Variants in CASD1 observed in about 807,000 individuals in gnomAD.
The protein encoded by CASD1 is N-acetylneuraminate (7)9-O-acetyltransferase.
In CASD1, 41 loss-of-function variants were observed where a neutral mutation model predicts 100.0. The ratio of observed to expected loss-of-function variants is 0.41; its 90% CI spans 0.32 to 0.53. CASD1 has a LOEUF of 0.53. Ranked by LOEUF, CASD1 falls within the 20% of genes least tolerant of loss-of-function variation. CASD1 has a pLI of 0.25. For synonymous variants in CASD1, 321 were observed against 315.6 expected (o/e 1.02, Z -0.18); for missense variants, 774 against 948.7 (o/e 0.82, Z 2.42).
chr7:94,609,545 A>G, the CASD1 span, among the ~76,000 whole-genome samples: 1 of 152,194 alleles, frequency 6.6e-6, no homozygotes, highest in Non-Finnish European at 1.5e-5. Context: ...AACAACAACA[A>G]CAAAAAGCCA....
intron 7 of CASD1, among the ~76,000 whole-genome samples, chr7:94,534,310 G>A (rs748262399): frequency 1.3e-5 from 2 of 151,812 alleles, no homozygotes; most frequent in Non-Finnish European, 2.9e-5. Context: ...GGGACTACAG[G>A]TGTGCACCAC....
At chr7:94,533,901 G>T in intron 7 of CASD1, 99 bp downstream of exon 7, 1 of 1,125,770 alleles carries the variant, frequency 8.9e-7, no homozygotes, top group Non-Finnish European at 1.2e-6. Flanking sequence ...TGCTTTATGA[G>T]AATTAATTTT....
At chr7:94,592,385 G>A in the CASD1 span, among the ~76,000 whole-genome samples, 223 of 152,234 alleles carry the variant, frequency 1.5e-3, 2 homozygotes, top group Non-Finnish European at 1.9e-3. Context: ...GGAGCGGGGG[G>A]TCGACTTCAA....
chr7:94,574,990 C>A, the CASD1 span, among the ~76,000 whole-genome samples: 1 of 151,872 alleles, frequency 6.6e-6, no homozygotes, highest in African/African-American at 2.4e-5. Context: ...AACAAACAAA[C>A]ACCCCAATTC....
rs542507767 is a variant in CASD1, at chr7:94,548,048, A to G, written c.1713+873A>G. Among the ~76,000 whole-genome samples the G allele has an allele frequency of 3.3e-5, 5 of 152,006 alleles. No individual in the cohort carries two copies. In the East Asian group the frequency reaches 9.6e-4, roughly 29 times the overall value. On this transcript the variant is annotated intron_variant, in intron 13 of 17. Coordinates refer to ENST00000297273, the MANE Select transcript of CASD1 (RefSeq NM_022900.5). ...CAAGCTTCTTTATAGAAGATAAATA[A>G]GGAAACAACTAAGAAATGTATAAGG...
At chr7:94,575,070 A>G in the CASD1 span, among the ~76,000 whole-genome samples, 1 of 151,942 alleles carries the variant, frequency 6.6e-6, no homozygotes, top group East Asian at 1.9e-4. Context: ...AATTTTGGTT[A>G]TTTCTTGTCT....
the CASD1 span, among the ~76,000 whole-genome samples, chr7:94,563,326 T>G: frequency 6.6e-6 from 1 of 152,286 alleles, no homozygotes; most frequent in Admixed American, 6.5e-5. Context: ...TCTGTGGAGA[T>G]AATAGTTAAG....
chr7:94,559,901 T>C (rs1796313578), downstream of CASD1, among the ~76,000 whole-genome samples: 1 of 152,232 alleles, frequency 6.6e-6, no homozygotes, highest in Non-Finnish European at 1.5e-5. Context: ...ATTTTCCCTT[T>C]ATTTTCAAAT....
intron 1 of CASD1, among the ~76,000 whole-genome samples, chr7:94,514,101 C>A (rs35170406): frequency 0.079 from 12,017 of 152,058 alleles, 716 homozygotes; most frequent in East Asian, 0.23. Flanking sequence ...ACTTCAAATG[C>A]CTTAATTTTG....
chr7:94,557,775 TAAA>T (rs1796256381), downstream of CASD1, among the ~76,000 whole-genome samples: 2 of 151,782 alleles, frequency 1.3e-5, no homozygotes, highest in Admixed American at 6.6e-5. Flanking sequence ...CTGTATAATT[TAAA>T]AATAATTTAT....
chr7:94,528,110 G>A, intron 4 of CASD1, 78 bp from the exon 5 acceptor site: 1 of 976,160 alleles, frequency 1.0e-6, no homozygotes, highest in Non-Finnish European at 1.6e-6. Context: ...CTCTGTAAGA[G>A]AATGTTAATG....
the CASD1 span, among the ~76,000 whole-genome samples, chr7:94,613,492 A>G: frequency 6.6e-6 from 1 of 152,112 alleles, no homozygotes; most frequent in African/African-American, 2.4e-5. Context: ...ATGAATGCTA[A>G]CAAAACCTGG....
chr7:94,528,355 A>G, intron 5 of CASD1, 105 bp downstream of exon 5: 1 of 750,128 alleles, frequency 1.3e-6, no homozygotes. Context: ...CCTATATTTT[A>G]TACCTGCCTT....
At chr7:94,543,468 A>C (rs756754219) in intron 10 of CASD1, among the ~76,000 whole-genome samples, 7 of 152,174 alleles carry the variant, frequency 4.6e-5, no homozygotes, top group Non-Finnish European at 8.8e-5. Flanking sequence ...AGCCTGGCCA[A>C]CATGGCAAAA....
intron 17 of CASD1, 45 bp from the exon 18 acceptor site, chr7:94,555,447 C>A: frequency 6.4e-7 from 1 of 1,562,106 alleles, no homozygotes; most frequent in Non-Finnish European, 8.7e-7. Context: ...GTAATTTATT[C>A]ATGGACCCTC....
chr7:94,518,600 TAGAA>T (rs1794090291), intron 3 of CASD1, among the ~76,000 whole-genome samples: 2 of 152,176 alleles, frequency 1.3e-5, no homozygotes, highest in Non-Finnish European at 2.9e-5. Flanking sequence ...TAAATTTCCT[TAGAA>T]AGAAGACAAA....
the CASD1 span, among the ~76,000 whole-genome samples, chr7:94,576,909 G>T: frequency 6.6e-6 from 1 of 152,044 alleles, no homozygotes; most frequent in African/African-American, 2.4e-5. Context: ...ACCTGAGTAT[G>T]GTATTGAAAA....
In CASD1 at chr7:94,510,168, G is replaced by A; in HGVS notation, c.84G>A (p.Val28=). 6.6e-7 allele frequency: 1 copy of A among 1,524,682 alleles called. No individual in the cohort carries two copies. Among genetic ancestry groups the A allele is most frequent in the Non-Finnish European group, 8.8e-7 (1 of 1,134,942 alleles). 94.4% of individuals were successfully genotyped at this position (1,524,682 alleles called of 1,614,324 possible). The change falls in exon 1 of 18, where the codon GTG becomes GTA. Residue 28 remains valine (V), a synonymous_variant. Transcript: ENST00000297273. ...GGAGCGCCAAGGTGCTGGCGCTGGTGGCCGTGCTGCTGCTCGCAGCGTGCC... is the reference window on the plus strand; with the variant it reads ...GGAGCGCCAAGGTGCTGGCGCTGGTAGCCGTGCTGCTGCTCGCAGCGTGCC... ...SVRSAKVLAL[V]AVLLLAACHL...
chr7:94,555,660 A>G lies in CASD1; in HGVS notation c.2296A>G (p.Lys766Glu). 6.2e-7 allele frequency: 1 copy of G among 1,613,426 alleles called. No individual in the cohort carries two copies. ...TGATCTTGCACAGATTATTATTCCT[A>G]AAGATAACTCATCTCTCTTGAAAAG... ...TNDLAQIIIP[K>E]DNSSLLKRLA... is the part of the protein sequence containing the mutation. Residue 766 changes from lysine (K) to glutamate (E), a missense_variant, in exon 18 of 18, where the codon AAA (lysine) becomes GAA (glutamate). Transcript: ENST00000297273.
Sources: allele counts gnomAD v4.1 joint callset (sites outside exome capture counted in the v4.1 genomes callset), GRCh38; gene constraint gnomAD v4.1.1; transcripts MANE v1.5; gene names NCBI Gene and HGNC (gene_info 2026-07-23, HGNC 2026-07-21).